PALS2: variants seen among roughly 807,000 people sequenced by gnomAD.
The protein encoded by PALS2 is protein associated with LIN7 2, MAGUK p55 family member.
PALS2 carries 27 observed loss-of-function variants against 61.6 expected under a neutral mutation model. The ratio of observed to expected loss-of-function variants is 0.44; its 90% CI spans 0.32 to 0.60. The LOEUF (loss-of-function observed/expected upper bound fraction) is 0.60. Ranked by LOEUF, PALS2 falls within the 20% of genes least tolerant of loss-of-function variation. The pLI is 0.05. For synonymous variants in PALS2, 236 were observed against 218.6 expected, an observed-to-expected ratio of 1.08 and a Z score of -0.70; for missense variants, 554 against 639.4, an observed-to-expected ratio of 0.87 and a Z score of 1.44.
intron 5 of PALS2, among the ~76,000 whole-genome samples, chr7:24,657,881 G>A (rs1786505052): frequency 1.3e-5 from 2 of 152,088 alleles, no homozygotes; most frequent in South Asian, 2.1e-4. Flanking sequence ...TTTTTATATA[G>A]GATGTGAGGA....
intron 5 of PALS2, among the ~76,000 whole-genome samples, chr7:24,652,280 T>C (rs1019293205): frequency 2.6e-5 from 4 of 152,204 alleles, no homozygotes; most frequent in African/African-American, 7.2e-5. Flanking sequence ...AAGAGACTTT[T>C]ACAGGCAAAA....
At chr7:24,627,206 A>G (rs555532353) in intron 2 of PALS2, among the ~76,000 whole-genome samples, 1 of 152,324 alleles carries the variant, frequency 6.6e-6, no homozygotes, top group Non-Finnish European at 1.5e-5. Flanking sequence ...CTCAGGGTTA[A>G]GAAACTCAAA....
At chr7:24,649,207 G>C (rs1223683093) in intron 3 of PALS2, among the ~76,000 whole-genome samples, 1 of 151,972 alleles carries the variant, frequency 6.6e-6, no homozygotes, top group Admixed American at 6.6e-5. Context: ...AGGTAAAAAT[G>C]TCATTTGAAT....
intron 1 of PALS2, among the ~76,000 whole-genome samples, chr7:24,607,659 G>GTATA (rs151168142): frequency 0.063 from 9,479 of 151,020 alleles, 350 homozygotes; most frequent in African/African-American, 0.093. Flanking sequence ...GTATGCGTAT[G>GTATA]TATACACACA....
intron 1 of PALS2, among the ~76,000 whole-genome samples, chr7:24,613,473 A>C (rs1562614464): frequency 6.6e-6 from 1 of 151,964 alleles, no homozygotes; most frequent in South Asian, 2.1e-4. Context: ...TAATTGACAC[A>C]TTAATAATTG....
intron 2 of PALS2, among the ~76,000 whole-genome samples, chr7:24,637,783 T>G (rs2128068062): frequency 6.6e-6 from 1 of 152,336 alleles, no homozygotes; most frequent in Admixed American, 6.5e-5. Context: ...TGAAGTTCAT[T>G]TCTCAAAGGT....
chr7:24,605,134 A>G (rs770645371), intron 1 of PALS2, among the ~76,000 whole-genome samples: 2 of 152,208 alleles, frequency 1.3e-5, no homozygotes, highest in Non-Finnish European at 2.9e-5. Flanking sequence ...ATTATCAGAA[A>G]TTGAGTAATG....
At chr7:24,632,780 GTTGCCTGC>G (rs139261325) in intron 2 of PALS2, among the ~76,000 whole-genome samples, 3 of 152,022 alleles carry the variant, frequency 2.0e-5, no homozygotes, top group Non-Finnish European at 4.4e-5. Context: ...TTTTGTATTT[GTTGCCTGC>G]TTGCCTGCCT....
intron 1 of PALS2, among the ~76,000 whole-genome samples, chr7:24,611,563 T>A (rs2128052227): frequency 6.6e-6 from 1 of 152,096 alleles, no homozygotes. Flanking sequence ...TCTGCACTCA[T>A]AAAACTTAGA....
intron 3 of PALS2, among the ~76,000 whole-genome samples, chr7:24,646,135 GC>G (rs1785820064): frequency 6.6e-6 from 1 of 151,984 alleles, no homozygotes; most frequent in African/African-American, 2.4e-5. Context: ...CTATCTGGAT[GC>G]CCTGTATTTG....
chr7:24,587,352 A>G lies in PALS2; in HGVS notation c.-3+13759A>G, dbSNP rs1783107644. Among the ~76,000 whole-genome samples, 2 of 151,988 alleles carry G rather than the reference A, an allele frequency of 1.3e-5. 1 individual carries two copies. Among genetic ancestry groups the G allele is most frequent in the Non-Finnish European group, 2.9e-5 (2 of 68,016 alleles). ...AATTAGAGGAACTGAGAAAATAAAG[A>G]TACTAATAGTAAGGAATATGTTATT... On this transcript the variant is annotated intron_variant, in intron 1 of 11. Transcript: ENST00000222644.
At chr7:24,613,718 T>TA (rs1784194163) in intron 1 of PALS2, among the ~76,000 whole-genome samples, 1 of 151,822 alleles carries the variant, frequency 6.6e-6, no homozygotes, top group Non-Finnish European at 1.5e-5. Context: ...TTGTGTCCTT[T>TA]ATCACATCTC....
At chr7:24,657,422 G>A (rs1786479342) in intron 5 of PALS2, among the ~76,000 whole-genome samples, 1 of 152,108 alleles carries the variant, frequency 6.6e-6, no homozygotes, top group Non-Finnish European at 1.5e-5. Flanking sequence ...GTGTGTAGTG[G>A]TATCTCACTG....
At position 24,618,838 on chromosome 7, in the gene PALS2, T is replaced by C. The variant is rs1784388620; in HGVS notation, c.-2-4828T>C. ...ACTTCCCTGCTGTACTTCGGCACTC[T>C]CCCTTCAACACTCCAGTCAAATCTT... On this transcript the variant is annotated intron_variant, in intron 1 of 11. Transcript: ENST00000222644. The surrounding 1 kb of genome is among the most constrained non-coding windows in gnomAD (Gnocchi z 5.1). Among the ~76,000 whole-genome samples, 1 of 152,228 alleles carries C rather than the reference T, an allele frequency of 6.6e-6. No homozygotes were observed. Among genetic ancestry groups the C allele is most frequent in the African/African-American group, 2.4e-5 (1 of 41,468 alleles).
chr7:24,679,071 A>T, intron 9 of PALS2, 60 bp from the exon 10 acceptor site: 1 of 1,472,768 alleles, frequency 6.8e-7, no homozygotes, highest in Non-Finnish European at 9.5e-7. Flanking sequence ...TATGTATTTT[A>T]GTCTATTTTT....
chr7:24,650,798 T>C (rs1284801017), intron 5 of PALS2, 86 bp downstream of exon 5: 2 of 974,368 alleles, frequency 2.1e-6, no homozygotes, highest in Non-Finnish European at 1.5e-6. Context: ...TGCTACTATT[T>C]TGCTAAAGAA....
At chr7:24,646,728 A>G (rs931378832) in intron 3 of PALS2, among the ~76,000 whole-genome samples, 14 of 152,308 alleles carry the variant, frequency 9.2e-5, no homozygotes, top group Admixed American at 3.9e-4. Flanking sequence ...TAGGAATGGT[A>G]CCATCTCTTA....
intron 1 of PALS2, chr7:24,597,085 C>T (rs927277405): frequency 3.3e-5 from 5 of 152,052 alleles, no homozygotes; most frequent in East Asian, 1.9e-4. Context: ...AATCTGTAGT[C>T]GCAGTAGGCT....
chr7:24,603,350 G>C (rs184704451), intron 1 of PALS2, among the ~76,000 whole-genome samples: 3 of 152,192 alleles, frequency 2.0e-5, no homozygotes, highest in Admixed American at 2.0e-4. Flanking sequence ...TGACTTTGCT[G>C]GTGAAAAGTG....
Sources: allele counts gnomAD v4.1 joint callset (sites outside exome capture counted in the v4.1 genomes callset), GRCh38; gene constraint gnomAD v4.1.1; non-coding constraint Gnocchi (gnomAD v3.1); transcripts MANE v1.5; gene names NCBI Gene and HGNC (gene_info 2026-07-23, HGNC 2026-07-21).